The following UTRN variants were observed in gnomAD, a reference collection of about 807,000 sequenced individuals.
UTRN encodes the protein dystrophin-related protein 1.
UTRN carries 283 observed loss-of-function variants against 463.9 expected under a neutral mutation model. The ratio of observed to expected loss-of-function variants is 0.61; its 90% CI spans 0.55 to 0.67. UTRN has a LOEUF of 0.67. Ranked by LOEUF, UTRN falls within the 30% of genes least tolerant of loss-of-function variation. The probability of loss-of-function intolerance (pLI) is 0.00; values close to 1 mark genes in which losing one functional copy is unlikely to be tolerated. For missense variants in UTRN, 3,922 were observed against 4,084.3 expected, an observed-to-expected ratio of 0.96 and a Z score of 1.08; for synonymous variants, 1,442 against 1,431.5, an observed-to-expected ratio of 1.01 and a Z score of -0.17.
chr6:144,715,701 C>CCCT (rs1554350667), intron 53 of UTRN, among the ~76,000 whole-genome samples: 2 of 143,214 alleles, frequency 1.4e-5, no homozygotes, highest in African/African-American at 5.4e-5. Context: ...CTTCCCCCCC[C>CCCT]ACCCTTTTCT....
intron 41 of UTRN, among the ~76,000 whole-genome samples, chr6:144,530,075 T>C (rs1300479605): frequency 1.3e-5 from 2 of 152,202 alleles, no homozygotes; most frequent in African/African-American, 2.4e-5. Flanking sequence ...TTTAGGTAAA[T>C]GGGACCCTCA....
chr6:144,738,548 C>T (rs966905011), intron 54 of UTRN, among the ~76,000 whole-genome samples: 3 of 152,142 alleles, frequency 2.0e-5, no homozygotes, highest in Non-Finnish European at 4.4e-5. Flanking sequence ...ACAAGCACCC[C>T]CCACCAAACA....
At chr6:144,689,788 G>A (rs760974514) in intron 52 of UTRN, among the ~76,000 whole-genome samples, 9 of 151,950 alleles carry the variant, frequency 5.9e-5, no homozygotes, top group African/African-American at 2.2e-4. Flanking sequence ...TAATAGTAAC[G>A]AACAGGTCAC....
intron 10 of UTRN, 95 bp from the exon 11 acceptor site, chr6:144,437,470 A>G (rs1786679743): frequency 8.0e-7 from 1 of 1,251,716 alleles, no homozygotes; most frequent in Middle Eastern, 2.0e-4. Flanking sequence ...TTTCTGCATC[A>G]CTGACATTTA....
chr6:144,461,849 T>C (rs1402375818), intron 22 of UTRN, among the ~76,000 whole-genome samples: 1 of 152,240 alleles, frequency 6.6e-6, no homozygotes, highest in Non-Finnish European at 1.5e-5. Flanking sequence ...GAAAAAGCTT[T>C]AATTTTTATG....
intron 2 of UTRN, among the ~76,000 whole-genome samples, chr6:144,355,904 CA>C (rs1246934414): frequency 6.6e-6 from 1 of 152,146 alleles, no homozygotes. Context: ...ATATTTAGAA[CA>C]TACCAAATTT....
intron 2 of UTRN, among the ~76,000 whole-genome samples, chr6:144,394,459 G>A (rs1260132519): frequency 6.6e-6 from 1 of 152,068 alleles, no homozygotes; most frequent in East Asian, 1.9e-4. Flanking sequence ...TCTTCTACCA[G>A]GTTCCTCCCA....
chr6:144,689,198 A>G (rs1281132317), intron 52 of UTRN, among the ~76,000 whole-genome samples: 1 of 152,102 alleles, frequency 6.6e-6, no homozygotes, highest in Non-Finnish European at 1.5e-5. Context: ...GGATGCAGTC[A>G]CCCCACTGTT....
Position 144,624,021 on chromosome 6 carries a change from G to A in UTRN, c.7479+46733G>A, listed in dbSNP as rs376923333. On this transcript the variant is annotated intron_variant, in intron 51 of 74. Coordinates refer to ENST00000367545, the MANE Select transcript of UTRN (RefSeq NM_007124.3). Reference sequence around the variant, plus strand: ...AGATTATTTCTATTTGGGAAAATTGGCCACCAGGTAGATGTTTTATGCTGG... The same window carrying A: ...AGATTATTTCTATTTGGGAAAATTGACCACCAGGTAGATGTTTTATGCTGG... Among the ~76,000 whole-genome samples the A allele has an allele frequency of 1.1e-4, 16 of 152,252 alleles. No individual in the cohort carries two copies. In the East Asian group the frequency reaches 2.7e-3, roughly 26 times the overall value.
chr6:144,761,120 C>A (rs1792619795), intron 58 of UTRN, among the ~76,000 whole-genome samples: 1 of 152,030 alleles, frequency 6.6e-6, no homozygotes, highest in South Asian at 2.1e-4. Flanking sequence ...ATAAACCCCT[C>A]TATTTGTTGA....
At chr6:144,815,355 C>T (rs1342736543) in intron 65 of UTRN, among the ~76,000 whole-genome samples, 3 of 152,106 alleles carry the variant, frequency 2.0e-5, no homozygotes, top group Non-Finnish European at 2.9e-5. Flanking sequence ...TCTAGAGGGT[C>T]AGAACTAATA....
At chr6:144,553,891 G>A (rs1307010516) in intron 48 of UTRN, among the ~76,000 whole-genome samples, 1 of 149,788 alleles carries the variant, frequency 6.7e-6, no homozygotes, top group Non-Finnish European at 1.5e-5. Context: ...ACTCCAGCCT[G>A]GGCGACAGAG....
At chr6:144,397,703 A>G (rs923043742) in intron 2 of UTRN, among the ~76,000 whole-genome samples, 3 of 152,018 alleles carry the variant, frequency 2.0e-5, no homozygotes, top group African/African-American at 7.3e-5. Context: ...TGTCCTTCCC[A>G]TCTTTGCATG....
chr6:144,435,961 G>C lies in UTRN; in HGVS notation c.882G>C (p.Glu294Asp). 6.2e-7 allele frequency: 1 copy of C among 1,614,122 alleles called. No homozygotes were observed. The change falls in exon 10 of 75, where the codon GAG becomes GAC. Residue 294 changes from glutamate to aspartate, a missense_variant. Physicochemically the swap from Glu to Asp is conservative, Grantham distance 45. This residue lies in a region of UTRN where 2,349 missense variants were observed against 2,303.8 expected (regional missense o/e 1.02). Transcript: ENST00000367545. The stretch of plus-strand genomic sequence containing the variant: ...GTACAGCGCCTGAGGAGGAGCATGA[G>C]AGTCCCCGAGCTGAAACTCCCAGCA... ...IQSTAPEEEH[E>D]SPRAETPSTV...
At chr6:144,327,335 C>T (rs554599209) in intron 2 of UTRN, among the ~76,000 whole-genome samples, 1 of 152,124 alleles carries the variant, frequency 6.6e-6, no homozygotes, top group Non-Finnish European at 1.5e-5. Context: ...AGAACCTGTC[C>T]TAATTTGTGT....
intron 53 of UTRN, among the ~76,000 whole-genome samples, chr6:144,721,327 G>A (rs1341929638): frequency 6.6e-6 from 1 of 152,164 alleles, no homozygotes; most frequent in East Asian, 1.9e-4. Context: ...TCCTGCCTCA[G>A]CCTCCTGAGC....
At position 144,782,028 on chromosome 6, in the gene UTRN, A is replaced by C. The variant is rs769632144; in HGVS notation, c.8739A>C (p.Thr2913=). Residue 2913 remains threonine, a synonymous_variant, in exon 61 of 75, where the codon ACA becomes ACC. Transcript: ENST00000367545. The stretch of plus-strand genomic sequence containing the variant: ...CAGATGTCATCAACTGTCTGACAAC[A>C]ACTTATGATGGACTTGAGCAAATGC... ...SVPDVINCLT[T]TYDGLEQMHK... 1.9e-6 allele frequency: 3 copies of C among 1,614,076 alleles called. No individual in the cohort carries two copies. Among genetic ancestry groups the C allele is most frequent in the Non-Finnish European group, 2.5e-6 (3 of 1,179,972 alleles).
At chr6:144,850,805 G>GTGAT (rs1562986192) in intron 74 of UTRN, among the ~76,000 whole-genome samples, 184 bp from the exon 75 acceptor site, 3 of 152,204 alleles carry the variant, frequency 2.0e-5, no homozygotes. Flanking sequence ...ATCAGCTGCA[G>GTGAT]TGATAGAAAG....
chr6:144,440,525 A>G (rs973425027), intron 13 of UTRN, 54 bp downstream of exon 13: 14 of 1,609,182 alleles, frequency 8.7e-6, no homozygotes, highest in African/African-American at 2.7e-5. Flanking sequence ...CTGAGACCCA[A>G]TTACATATTG....
Sources: allele counts gnomAD v4.1 joint callset (sites outside exome capture counted in the v4.1 genomes callset), GRCh38; gene constraint gnomAD v4.1.1; regional missense constraint gnomAD v4.1.1; transcripts MANE v1.5; gene names NCBI Gene and HGNC (gene_info 2026-07-23, HGNC 2026-07-21).